The following MYO7B variants were observed in gnomAD, a reference collection of about 807,000 sequenced individuals.
MYO7B encodes myosin VIIB.
A neutral mutation model predicts 259.7 loss-of-function variants in MYO7B; 212 were observed. That is an observed-to-expected ratio of 0.82 (90% CI 0.73 to 0.91). The LOEUF (loss-of-function observed/expected upper bound fraction) is 0.91. Ranked by LOEUF, MYO7B falls within the 40% of genes least tolerant of loss-of-function variation. The pLI, the probability that MYO7B is intolerant of heterozygous loss-of-function variation, is 0.00. For missense variants in MYO7B, 2,732 were observed against 2,813.5 expected, an observed-to-expected ratio of 0.97 and a Z score of 0.66; for synonymous variants, 1,197 against 1,166.4, an observed-to-expected ratio of 1.03 and a Z score of -0.54.
intron 37 of MYO7B, 83 bp from the exon 38 acceptor site, chr2:127,631,517 A>G (rs1442576524): frequency 9.1e-6 from 14 of 1,545,170 alleles, no homozygotes; most frequent in Admixed American, 3.7e-5. Flanking sequence ...GGCTCACCGC[A>G]GGGCCGGGGT....
chr2:127,581,841 G>A, intron 10 of MYO7B, 50 bp from the exon 11 acceptor site: 1 of 1,609,326 alleles, frequency 6.2e-7, no homozygotes, highest in Non-Finnish European at 8.5e-7. Flanking sequence ...CAGAGTGCTG[G>A]GCCAGGCCCT....
chr2:127,593,503 C>A, intron 17 of MYO7B, 43 bp from the exon 18 acceptor site: 1 of 1,584,102 alleles, frequency 6.3e-7, no homozygotes, highest in South Asian at 1.1e-5. Context: ...GCCGAGGGGT[C>A]TCTGCCCCAC....
chr2:127,585,019 G>A lies in MYO7B; in HGVS notation c.1690+106G>A, dbSNP rs1281111054. On this transcript the variant is annotated intron_variant, in intron 14 of 47. Coordinates refer to ENST00000409816, the MANE Select transcript of MYO7B (RefSeq NM_001393586.1). This position sits in a 1 kb window ranked among gnomAD's most constrained non-coding sequence, Gnocchi z 4.3. ...GAGGCTATTTTGCAGCTCTAGCAAT[G>A]GGGCAGAGGGATGAGTAGTATGGCT... is the stretch of plus-strand genomic sequence containing the variant. The A allele has an allele frequency of 7.1e-7, 1 of 1,418,120 alleles. No individual in the cohort carries two copies. Among genetic ancestry groups the A allele is most frequent in the Non-Finnish European group, 9.7e-7 (1 of 1,027,322 alleles). The allele number at this position is 1,418,120 out of a possible 1,614,324, so 87.8% of individuals were successfully genotyped here.
intron 4 of MYO7B, among the ~76,000 whole-genome samples, chr2:127,565,948 C>A (rs1678320677): frequency 1.3e-5 from 2 of 152,226 alleles, no homozygotes. Flanking sequence ...CCTGCAGAAG[C>A]CACTGCCTGC....
Position 127,627,412 on chromosome 2 carries a change from T to G in MYO7B, c.4460+102T>G. 6.7e-7 allele frequency: 1 copy of G among 1,487,470 alleles called. No homozygotes were observed. The highest frequency in any genetic ancestry group is 9.2e-7 in the Non-Finnish European group (1 of 1,090,414). The allele number at this position is 1,487,470 out of a possible 1,614,324, so 92.1% of individuals were successfully genotyped here. ...GAGAGGGGCAGTGTGCCGTCCCGGG[T>G]AACAGGCCGGGGTGGAGGGACAAGA... On this transcript the variant is annotated intron_variant, in intron 33 of 47. Transcript: ENST00000409816. The surrounding 1 kb of genome is among the most constrained non-coding windows in gnomAD (Gnocchi z 5.6).
intron 27 of MYO7B, among the ~76,000 whole-genome samples, chr2:127,620,742 TGA>T (rs978237508): frequency 1.2e-4 from 19 of 152,032 alleles, no homozygotes; most frequent in African/African-American, 4.3e-4. Flanking sequence ...AAGACTAAAA[TGA>T]GAAGGTAGAT....
At chr2:127,624,013 T>C (rs1362819104) in intron 29 of MYO7B, 80 bp from the exon 30 acceptor site, 9 of 1,336,438 alleles carry the variant, frequency 6.7e-6, no homozygotes, top group East Asian at 2.5e-5. Flanking sequence ...GTCTTCTACG[T>C]GCACACGCTG....
chr2:127,622,167 C>T (rs891591717), intron 28 of MYO7B, 66 bp downstream of exon 28: 4 of 1,494,764 alleles, frequency 2.7e-6, no homozygotes, highest in Non-Finnish European at 3.6e-6. Context: ...ACCCCCAGCA[C>T]AGCTCATGGG....
intron 18 of MYO7B, among the ~76,000 whole-genome samples, chr2:127,594,719 T>C (rs1165821528): frequency 6.6e-6 from 1 of 152,252 alleles, no homozygotes; most frequent in Non-Finnish European, 1.5e-5. Flanking sequence ...TTTCTGCATC[T>C]ATTGAGATAA....
chr2:127,636,690 G>C lies in MYO7B; in HGVS notation c.6207+62G>C, dbSNP rs918231968. On this transcript the variant is annotated intron_variant, in intron 46 of 47. Transcript: ENST00000409816. This position sits in a 1 kb window ranked among gnomAD's most constrained non-coding sequence, Gnocchi z 4.5. ...AGGTCCAGGGACCTGTGCAGGTGGG[G>C]CTGCAGTCATCTCTGCGGTGTGTCC... The C allele has an allele frequency of 2.1e-5, 34 of 1,607,362 alleles. No homozygotes were observed. The Admixed American group carries it at 3.6e-4, about 17-fold the overall frequency.
rs963991825 is a variant in MYO7B, at chr2:127,577,531, C to G, written c.850-602C>G. Among the ~76,000 whole-genome samples, 4 of 152,178 alleles carry G rather than the reference C, an allele frequency of 2.6e-5. No individual in the cohort carries two copies. Among genetic ancestry groups the G allele is most frequent in the Admixed American group, 1.3e-4 (2 of 15,286 alleles). ...CTGCCCCTCTGCCGACCTCTCCCTT[C>G]TCAACACCCACCCCAGCCTCCCCGC... On this transcript the variant is annotated intron_variant, in intron 8 of 47. Transcript: ENST00000409816. This position sits in a 1 kb window ranked among gnomAD's most constrained non-coding sequence, Gnocchi z 5.2.
intron 2 of MYO7B, among the ~76,000 whole-genome samples, chr2:127,560,167 C>T (rs936680367): frequency 6.6e-6 from 1 of 152,022 alleles, no homozygotes; most frequent in Non-Finnish European, 1.5e-5. Context: ...GCTGGGACCA[C>T]AGGTGCATGC....
Position 127,576,777 on chromosome 2 carries a change from C to A in MYO7B, c.849+69C>A. The A allele has an allele frequency of 8.7e-7, 1 of 1,155,510 alleles. No homozygotes were observed. Among genetic ancestry groups the A allele is most frequent in the Non-Finnish European group, 1.2e-6 (1 of 803,918 alleles). The allele number at this position is 1,155,510 out of a possible 1,614,324, so 71.6% of individuals were successfully genotyped here. A position where few individuals can be genotyped will look rare whatever the true frequency, so the allele number is the denominator to read the frequency against. On this transcript the variant is annotated intron_variant, in intron 8 of 47. Coordinates refer to ENST00000409816, the MANE Select transcript of MYO7B (RefSeq NM_001393586.1). The surrounding 1 kb of genome is among the most constrained non-coding windows in gnomAD (Gnocchi z 4.9). ...GGAAAAAGAGCTTGTGCCGCTCCACCCTCCGCGACAGCTGCAGAGAAGCCC... is the reference window on the plus strand; with the variant it reads ...GGAAAAAGAGCTTGTGCCGCTCCACACTCCGCGACAGCTGCAGAGAAGCCC...
intron 19 of MYO7B, among the ~76,000 whole-genome samples, chr2:127,600,505 TCCG>T (rs1679925386): frequency 6.6e-6 from 1 of 152,032 alleles, no homozygotes; most frequent in Non-Finnish European, 1.5e-5. Flanking sequence ...AGGTCAGGAG[TCCG>T]AGACCAGCCT....
chr2:127,630,754 C>T, intron 35 of MYO7B, 24 bp from the exon 36 acceptor site: 2 of 1,610,812 alleles, frequency 1.2e-6, no homozygotes, highest in Non-Finnish European at 1.7e-6. Flanking sequence ...CTCCTGGGCA[C>T]CCACAGGCCT....
At chr2:127,631,497 G>A in intron 37 of MYO7B, 103 bp from the exon 38 acceptor site, 11 of 1,524,086 alleles carry the variant, frequency 7.2e-6, no homozygotes, top group South Asian at 1.3e-5. Context: ...GCGGGACAGA[G>A]CCCACACATG....
chr2:127,617,564 G>A (rs1237274721), intron 26 of MYO7B, among the ~76,000 whole-genome samples: 3 of 136,966 alleles, frequency 2.2e-5, no homozygotes, highest in Admixed American at 7.7e-5. Context: ...CTGCAGTGGC[G>A]CCATCTCGGC....
chr2:127,538,252 G>A (rs1177872088), intron 1 of MYO7B, among the ~76,000 whole-genome samples: 1 of 151,506 alleles, frequency 6.6e-6, no homozygotes, highest in Non-Finnish European at 1.5e-5. Context: ...CGCCTGGCAG[G>A]GATGAAATAC....
intron 35 of MYO7B, among the ~76,000 whole-genome samples, chr2:127,630,246 G>A (rs971619320): frequency 6.6e-6 from 1 of 152,204 alleles, no homozygotes; most frequent in African/African-American, 2.4e-5. Flanking sequence ...CCCTGTGCCT[G>A]TGGTACGAGT....
Sources: allele counts gnomAD v4.1 joint callset (sites outside exome capture counted in the v4.1 genomes callset), GRCh38; gene constraint gnomAD v4.1.1; non-coding constraint Gnocchi (gnomAD v3.1); transcripts MANE v1.5; gene names NCBI Gene and HGNC (gene_info 2026-07-23, HGNC 2026-07-21).